The following WWTR1 variants were observed in gnomAD, a reference collection of about 807,000 sequenced individuals.
WWTR1 encodes WW domain containing transcription regulator 1.
In WWTR1, 13 loss-of-function variants were observed where a neutral mutation model predicts 40.1. The ratio of observed to expected loss-of-function variants is 0.32; its 90% CI spans 0.21 to 0.52. WWTR1 has a LOEUF of 0.52. Among genes scored for constraint, WWTR1 ranks in the 20% least tolerant of loss-of-function variants. WWTR1 has a pLI of 0.97. For missense variants in WWTR1, 436 were observed against 523.1 expected (o/e 0.83, Z 1.63); for synonymous variants, 230 against 210.1 (o/e 1.09, Z -0.82).
chr3:149,600,287 G>A (rs116645660), intron 2 of WWTR1, among the ~76,000 whole-genome samples: 2,921 of 152,312 alleles, frequency 0.019, 84 homozygotes, highest in African/African-American at 0.067. Context: ...ATCAGTAGCA[G>A]TAGCTTTAAT....
At chr3:149,676,508 C>T (rs1714264468) in intron 1 of WWTR1, among the ~76,000 whole-genome samples, 1 of 152,126 alleles carries the variant, frequency 6.6e-6, no homozygotes, top group South Asian at 2.1e-4. Flanking sequence ...GATGACCTGT[C>T]TGATGATGGT....
intron 1 of WWTR1, among the ~76,000 whole-genome samples, chr3:149,692,119 A>C (rs1284512607): frequency 6.6e-6 from 1 of 152,094 alleles, no homozygotes. Context: ...CTATGAAGTC[A>C]GTATTACCCT....
intron 1 of WWTR1, among the ~76,000 whole-genome samples, chr3:149,691,154 G>C (rs1205028076): frequency 6.6e-6 from 1 of 151,756 alleles, no homozygotes; most frequent in Non-Finnish European, 1.5e-5. Flanking sequence ...AAACCTATGG[G>C]ATACAGCAAA....
At chr3:149,709,962 T>C (rs1477084455) in intron 5 of WWTR1, among the ~76,000 whole-genome samples, 1 of 152,142 alleles carries the variant, frequency 6.6e-6, no homozygotes, top group East Asian at 1.9e-4. Context: ...AGACCAGACC[T>C]GAGAAAGTTT....
At chr3:149,639,837 A>T (rs1325334276) in intron 2 of WWTR1, among the ~76,000 whole-genome samples, 1 of 151,928 alleles carries the variant, frequency 6.6e-6, no homozygotes. Flanking sequence ...ACTAAAAAAT[A>T]CAAAAAAATA....
intron 3 of WWTR1, among the ~76,000 whole-genome samples, chr3:149,549,101 AT>A (rs1736500313): frequency 6.6e-6 from 1 of 152,356 alleles, no homozygotes; most frequent in African/African-American, 2.4e-5. Context: ...TTACAGAGGA[AT>A]TCAAAATCAT....
intron 5 of WWTR1, among the ~76,000 whole-genome samples, chr3:149,714,797 C>A (rs1416207746): frequency 6.6e-6 from 1 of 152,308 alleles, no homozygotes; most frequent in Admixed American, 6.5e-5. Context: ...GTGCTTTTCC[C>A]TGGGCCCATC....
rs912612746 is a variant in WWTR1 at position 149,520,373 on chromosome 3, A to T, written c.*432T>A. On this transcript the variant is annotated 3_prime_UTR_variant, in exon 7 of 7. Coordinates refer to ENST00000360632, the MANE Select transcript of WWTR1 (RefSeq NM_015472.6). Reference sequence around the variant, plus strand: ...TCATCAATACAGTTTTTGAAACTGTAAATCAGGTCGAATTTTGTGCACATT... The same window carrying T: ...TCATCAATACAGTTTTTGAAACTGTTAATCAGGTCGAATTTTGTGCACATT... The T allele has an allele frequency of 1.9e-5, 3 of 153,948 alleles. No individual in the cohort carries two copies. Among genetic ancestry groups the T allele is most frequent in the Admixed American group, 6.5e-5 (1 of 15,324 alleles). 9.5% of individuals were successfully genotyped at this position (153,948 alleles called of 1,614,324 possible). A position where few individuals can be genotyped will look rare whatever the true frequency, so the allele number is the denominator to read the frequency against.
intron 5 of WWTR1, among the ~76,000 whole-genome samples, chr3:149,714,544 T>C (rs1715556283): frequency 6.6e-6 from 1 of 152,220 alleles, no homozygotes; most frequent in Non-Finnish European, 1.5e-5. Context: ...ATCTCTGCCC[T>C]CTCTGGACTT....
At chr3:149,722,764 A>G (rs1412007270) in intron 4 of WWTR1, among the ~76,000 whole-genome samples, 1 of 151,576 alleles carries the variant, frequency 6.6e-6, no homozygotes, top group African/African-American at 2.4e-5. Flanking sequence ...TTGTCCTATC[A>G]AGTTTGCTGA....
At chr3:149,719,479 A>T (rs1477485820) in intron 4 of WWTR1, among the ~76,000 whole-genome samples, 2 of 152,154 alleles carry the variant, frequency 1.3e-5, no homozygotes, top group African/African-American at 4.8e-5. Context: ...CTTAAGGCTG[A>T]ACAATATTCT....
chr3:149,722,685 T>G (rs2108239234), intron 4 of WWTR1, among the ~76,000 whole-genome samples: 1 of 152,152 alleles, frequency 6.6e-6, no homozygotes, highest in Non-Finnish European at 1.5e-5. Flanking sequence ...GATGGTACCC[T>G]ACAGGTCCCT....
At position 149,628,966 on chromosome 3, in the gene WWTR1, C is replaced by T. The variant is rs571612199; in HGVS notation, c.431+27910G>A. On this transcript the variant is annotated intron_variant, in intron 2 of 6. Coordinates refer to ENST00000360632, the MANE Select transcript of WWTR1 (RefSeq NM_015472.6). The stretch of plus-strand genomic sequence containing the variant: ...AAAAAAAAAAATTGTAGAGATGGGT[C>T]TCCCTATGCTGCCCAGGCTAGTCTC... Among the ~76,000 whole-genome samples, 82 of 151,980 alleles carry T rather than the reference C, an allele frequency of 5.4e-4. 1 individual carries two copies. The South Asian group carries it at 0.017, about 31-fold the overall frequency.
chr3:149,579,214 A>G (rs1382920790), intron 2 of WWTR1, among the ~76,000 whole-genome samples: 1 of 152,190 alleles, frequency 6.6e-6, no homozygotes, highest in African/African-American at 2.4e-5. Flanking sequence ...AGAGTTTCAT[A>G]CAGTGTCAGA....
chr3:149,676,758 A>G (rs1445647142), intron 1 of WWTR1, among the ~76,000 whole-genome samples: 1 of 152,072 alleles, frequency 6.6e-6, no homozygotes, highest in Non-Finnish European at 1.5e-5. Flanking sequence ...AAGGGAGACA[A>G]TAAAGGGAGA....
At chr3:149,566,668 C>G in intron 3 of WWTR1, among the ~76,000 whole-genome samples, 1 of 152,186 alleles carries the variant, frequency 6.6e-6, no homozygotes, top group East Asian at 1.9e-4. Flanking sequence ...CAACCCAGGG[C>G]TTCGATATCC....
At chr3:149,655,105 G>A (rs1051545355) in intron 2 of WWTR1, among the ~76,000 whole-genome samples, 4 of 150,114 alleles carry the variant, frequency 2.7e-5, no homozygotes, top group Admixed American at 6.7e-5. Context: ...CAGCCTGGGC[G>A]ACAGAGCGAG....
rs1207284460 is a variant in WWTR1 at position 149,519,275 on chromosome 3, T to G, written c.*1530A>C. 1 of 152,198 alleles carries G rather than the reference T, an allele frequency of 6.6e-6. No individual in the cohort carries two copies. The highest frequency in any genetic ancestry group is 1.9e-4 in the East Asian group (1 of 5,200). The allele number at this position is 152,198 out of a possible 1,614,324, so 9.4% of individuals were successfully genotyped here. On this transcript the variant is annotated 3_prime_UTR_variant, in exon 7 of 7. Coordinates refer to ENST00000360632, the MANE Select transcript of WWTR1 (RefSeq NM_015472.6). ...GGTATTGAATACATATTTCATGCCT[T>G]TTTATACCAACTGTAGCAAACAGGA...
rs199705786 is a variant in WWTR1 at position 149,584,513 on chromosome 3, G to A, written c.432-11513C>T. The stretch of plus-strand genomic sequence containing the variant: ...AGACTAGAGGTGCTTTTCAGAGTGA[G>A]GTTCCCATTTTGCAAGAAATTATTT... On this transcript the variant is annotated intron_variant, in intron 2 of 6. Transcript: ENST00000360632. Among the ~76,000 whole-genome samples the A allele has an allele frequency of 2.6e-5, 4 of 152,096 alleles. No individual in the cohort carries two copies. In the East Asian group the frequency reaches 7.7e-4, roughly 29 times the overall value.
Sources: allele counts gnomAD v4.1 joint callset (sites outside exome capture counted in the v4.1 genomes callset), GRCh38; gene constraint gnomAD v4.1.1; transcripts MANE v1.5; gene names NCBI Gene and HGNC (gene_info 2026-07-23, HGNC 2026-07-21).